BNC2: variants seen among roughly 807,000 people sequenced by gnomAD.
The protein encoded by BNC2 is basonuclin zinc finger protein 2.
A neutral mutation model predicts 76.3 loss-of-function variants in BNC2; 20 were observed. The ratio of observed to expected loss-of-function variants is 0.26; its 90% CI spans 0.18 to 0.38. The LOEUF (loss-of-function observed/expected upper bound fraction) is 0.38, where lower values mean the gene tolerates loss of function less well. Ranked by LOEUF, BNC2 falls within the 10% of genes least tolerant of loss-of-function variation. The pLI, the probability that BNC2 is intolerant of heterozygous loss-of-function variation, is 1.00. For missense variants in BNC2, 1,382 were observed against 1,399.8 expected (o/e 0.99, Z 0.20); for synonymous variants, 582 against 514.8 (o/e 1.13, Z -1.77).
intron 1 of BNC2, among the ~76,000 whole-genome samples, chr9:16,780,927 A>T (rs1336474613): frequency 6.6e-6 from 1 of 152,130 alleles, no homozygotes; most frequent in Non-Finnish European, 1.5e-5. Flanking sequence ...TTAATAACAG[A>T]TCTATTCCAA....
At chr9:16,658,238 T>C (rs1821988525) in intron 3 of BNC2, among the ~76,000 whole-genome samples, 1 of 151,546 alleles carries the variant, frequency 6.6e-6, no homozygotes, top group African/African-American at 2.4e-5. Flanking sequence ...AATTTTCATA[T>C]GTGTGCCATT....
chr9:16,704,375 A>C (rs1243874093), intron 3 of BNC2, among the ~76,000 whole-genome samples: 1 of 152,164 alleles, frequency 6.6e-6, no homozygotes, highest in African/African-American at 2.4e-5. Context: ...AAATGCAAAG[A>C]CTGAAAATAT....
chr9:16,583,979 T>G (rs1481941134), intron 3 of BNC2, among the ~76,000 whole-genome samples: 2 of 152,208 alleles, frequency 1.3e-5, no homozygotes, highest in Admixed American at 1.3e-4. Flanking sequence ...AATAAAAACC[T>G]ATGTTTAAGA....
At chr9:16,420,109 C>T (rs557275966) in intron 6 of BNC2, among the ~76,000 whole-genome samples, 11 of 151,908 alleles carry the variant, frequency 7.2e-5, no homozygotes, top group African/African-American at 2.6e-4. Context: ...TTCTATACAG[C>T]ACACACTTTA....
chr9:16,516,582 C>T (rs536513773), intron 5 of BNC2, among the ~76,000 whole-genome samples: 2 of 152,170 alleles, frequency 1.3e-5, no homozygotes, highest in East Asian at 1.9e-4. Flanking sequence ...TATCCCAAAG[C>T]GGGTTCTTTC....
At chr9:16,738,132 G>T (rs1057029580) in intron 2 of BNC2, among the ~76,000 whole-genome samples, 6 of 152,086 alleles carry the variant, frequency 3.9e-5, no homozygotes, top group Admixed American at 3.3e-4. Context: ...ACTTTATCAC[G>T]TTCAAAATCA....
intron 3 of BNC2, among the ~76,000 whole-genome samples, chr9:16,717,226 T>C (rs1211502755): frequency 6.6e-6 from 1 of 152,152 alleles, no homozygotes; most frequent in Non-Finnish European, 1.5e-5. Context: ...GATATGATCT[T>C]ATAGGATGAC....
intron 1 of BNC2, among the ~76,000 whole-genome samples, chr9:16,853,033 G>C (rs1819164320): frequency 6.6e-6 from 1 of 152,228 alleles, no homozygotes; most frequent in Non-Finnish European, 1.5e-5. Flanking sequence ...GGAAGGTTGT[G>C]AGATAAGAAG....
intron 1 of BNC2, among the ~76,000 whole-genome samples, chr9:16,790,377 T>C (rs1817471107): frequency 6.6e-6 from 1 of 152,218 alleles, no homozygotes; most frequent in South Asian, 2.1e-4. Flanking sequence ...GTAAAAACTG[T>C]CTATCAGCTA....
At chr9:16,813,559 C>G (rs1272456398) in intron 1 of BNC2, among the ~76,000 whole-genome samples, 1 of 152,050 alleles carries the variant, frequency 6.6e-6, no homozygotes, top group Non-Finnish European at 1.5e-5. Flanking sequence ...GCCACCGCGC[C>G]CAGCCAAAAA....
intron 3 of BNC2, among the ~76,000 whole-genome samples, chr9:16,711,445 G>A (rs1006102470): frequency 1.3e-5 from 2 of 152,166 alleles, no homozygotes; most frequent in African/African-American, 4.8e-5. Flanking sequence ...AAGGTCTGGA[G>A]AATGGGTCAA....
At chr9:16,495,731 T>A (rs1054964869) in intron 5 of BNC2, among the ~76,000 whole-genome samples, 10 of 152,116 alleles carry the variant, frequency 6.6e-5, no homozygotes, top group African/African-American at 9.7e-5. Context: ...GGCTTAGAAA[T>A]CTGCACTTGA....
chr9:16,690,429 G>C (rs1392328415), intron 3 of BNC2, among the ~76,000 whole-genome samples: 1 of 152,070 alleles, frequency 6.6e-6, no homozygotes, highest in Non-Finnish European at 1.5e-5. Context: ...TGCACTCCAG[G>C]CTGGGTGACA....
chr9:16,685,629 C>T (rs1246299118), intron 3 of BNC2: 1 of 1,304,112 alleles, frequency 7.7e-7, no homozygotes, highest in Non-Finnish European at 1.0e-6. Flanking sequence ...CCAATGGAAC[C>T]TGAGGGAATA....
intron 3 of BNC2, among the ~76,000 whole-genome samples, chr9:16,623,619 C>T (rs1341962545): frequency 6.6e-6 from 1 of 152,098 alleles, no homozygotes; most frequent in East Asian, 1.9e-4. Flanking sequence ...AACTTACATG[C>T]AAGAAAAACA....
At chr9:16,807,307 A>G (rs1817938570) in intron 1 of BNC2, among the ~76,000 whole-genome samples, 2 of 152,218 alleles carry the variant, frequency 1.3e-5, no homozygotes, top group African/African-American at 4.8e-5. Context: ...TCAGAACACA[A>G]CATAGTATCA....
chr9:16,630,483 T>A (rs1420794210), intron 3 of BNC2, among the ~76,000 whole-genome samples: 4 of 152,138 alleles, frequency 2.6e-5, no homozygotes, highest in Non-Finnish European at 5.9e-5. Flanking sequence ...TTAAAATGAA[T>A]ACAAAAGACA....
At position 16,647,073 on chromosome 9, in the gene BNC2, T is replaced by G. The variant is rs149734014; in HGVS notation, c.331-63988A>C. Reference sequence around the variant, plus strand: ...AAGAGGAGAATGATGGTTGATTTTATTTAAATGCAACCTGGTTGTAGATGA... The same window carrying G: ...AAGAGGAGAATGATGGTTGATTTTAGTTAAATGCAACCTGGTTGTAGATGA... On this transcript the variant is annotated intron_variant, in intron 3 of 6. Transcript: ENST00000380672. Among the ~76,000 whole-genome samples the G allele has an allele frequency of 5.3e-5, 8 of 152,272 alleles. 1 individual carries two copies. The highest frequency in any genetic ancestry group is 1.2e-4 in the African/African-American group (5 of 41,562).
intron 2 of BNC2, among the ~76,000 whole-genome samples, chr9:16,736,592 C>T (rs1233668089): frequency 6.6e-6 from 1 of 151,426 alleles, no homozygotes; most frequent in Non-Finnish European, 1.5e-5. Context: ...TCTTCTACCT[C>T]AGCCTCCTCA....
Sources: allele counts gnomAD v4.1 joint callset (sites outside exome capture counted in the v4.1 genomes callset), GRCh38; gene constraint gnomAD v4.1.1; transcripts MANE v1.5; gene names NCBI Gene and HGNC (gene_info 2026-07-23, HGNC 2026-07-21).